The following CAST variants were observed in gnomAD, a reference collection of about 807,000 sequenced individuals.
CAST encodes the protein MIR583 host.
CAST carries 76 observed loss-of-function variants against 119.6 expected under a neutral mutation model. That is an observed-to-expected ratio of 0.64 (90% CI 0.53 to 0.77). The LOEUF is 0.77. Ranked by LOEUF, CAST falls within the 30% of genes least tolerant of loss-of-function variation. CAST has a pLI of 0.00. For synonymous variants in CAST, 319 were observed against 331.6 expected (o/e 0.96, Z 0.41); for missense variants, 953 against 946.5 (o/e 1.01, Z -0.09).
At chr5:96,128,995 A>G in the CAST span, among the ~76,000 whole-genome samples, 1 of 152,106 alleles carries the variant, frequency 6.6e-6, no homozygotes, top group Non-Finnish European at 1.5e-5. Context: ...AAAGGCTTAC[A>G]GGAGACCCAG....
At chr5:96,094,424 C>T in the CAST span, among the ~76,000 whole-genome samples, 2 of 144,296 alleles carry the variant, frequency 1.4e-5, no homozygotes, top group African/African-American at 2.5e-5. Flanking sequence ...GTAGGGTGAC[C>T]TTTTTTTTTT....
At chr5:96,725,458 G>A (rs1228449725) in intron 4 of CAST, among the ~76,000 whole-genome samples, 2 of 152,174 alleles carry the variant, frequency 1.3e-5, no homozygotes, top group African/African-American at 2.4e-5. Context: ...GATGTCTTTA[G>A]GGAGTTATTT....
chr5:96,419,291 GTA>G, the CAST span, among the ~76,000 whole-genome samples: 4 of 144,512 alleles, frequency 2.8e-5, no homozygotes, highest in Non-Finnish European at 6.0e-5. Flanking sequence ...GAGTTTATAT[GTA>G]TATATATATT....
the CAST span, among the ~76,000 whole-genome samples, chr5:96,353,658 C>G: frequency 1.3e-5 from 2 of 152,208 alleles, no homozygotes; most frequent in Non-Finnish European, 2.9e-5. Flanking sequence ...ATTTTCATCT[C>G]CTTCTGCCCT....
At chr5:96,297,048 T>TGGGGA in the CAST span, among the ~76,000 whole-genome samples, 85,150 of 151,402 alleles carry the variant, frequency 0.56, 24,454 homozygotes, top group South Asian at 0.62. Flanking sequence ...CTGGAGTATA[T>TGGGGA]TTTCAGTGTG....
the CAST span, among the ~76,000 whole-genome samples, chr5:96,126,521 CT>C: frequency 7.3e-5 from 11 of 151,722 alleles, no homozygotes; most frequent in South Asian, 2.1e-4. Context: ...AAAACCTCAT[CT>C]TTTTTTTCCC....
At chr5:96,274,634 T>C in the CAST span, among the ~76,000 whole-genome samples, 40 of 152,206 alleles carry the variant, frequency 2.6e-4, no homozygotes, top group Non-Finnish European at 5.9e-5. Context: ...TTTTCACCCA[T>C]TACATCCCAG....
chr5:96,304,763 C>T, the CAST span, among the ~76,000 whole-genome samples: 10 of 152,140 alleles, frequency 6.6e-5, no homozygotes, highest in South Asian at 2.1e-4. Flanking sequence ...TGGTTGTAGA[C>T]GTGTGGTGTT....
chr5:96,116,360 A>C, the CAST span, among the ~76,000 whole-genome samples: 1 of 152,208 alleles, frequency 6.6e-6, no homozygotes. Flanking sequence ...GTTGATGGAC[A>C]TCTGGGTTAT....
the CAST span, among the ~76,000 whole-genome samples, chr5:96,015,733 T>A: frequency 0.57 from 86,650 of 151,950 alleles, 25,255 homozygotes; most frequent in Non-Finnish European, 0.64. Flanking sequence ...TTTTATTTAA[T>A]CTTCACAATA....
At chr5:96,404,453 G>A in the CAST span, among the ~76,000 whole-genome samples, 1 of 152,174 alleles carries the variant, frequency 6.6e-6, no homozygotes, top group Non-Finnish European at 1.5e-5. Context: ...GGGAAGGAAA[G>A]TATTTCTTTG....
intron 1 of CAST, among the ~76,000 whole-genome samples, chr5:96,605,134 G>T: frequency 6.6e-6 from 1 of 152,170 alleles, no homozygotes; most frequent in East Asian, 1.9e-4. Context: ...ATACAAAACT[G>T]AGGAGAAGGA....
chr5:95,961,840 C>A, the CAST span: 1 of 1,278,776 alleles, frequency 7.8e-7, no homozygotes, highest in Non-Finnish European at 1.0e-6. Flanking sequence ...TGCTGACGTA[C>A]TGTCATATAC....
chr5:96,339,462 C>T, the CAST span, among the ~76,000 whole-genome samples: 10 of 152,122 alleles, frequency 6.6e-5, no homozygotes, highest in Non-Finnish European at 8.8e-5. Context: ...CATAACATTG[C>T]ACATGATAGA....
At chr5:96,352,158 A>G in the CAST span, among the ~76,000 whole-genome samples, 1 of 152,142 alleles carries the variant, frequency 6.6e-6, no homozygotes, top group Admixed American at 6.6e-5. Flanking sequence ...GGTGCTTAAG[A>G]CTTTATCATG....
chr5:96,403,814 C>G, the CAST span, among the ~76,000 whole-genome samples: 6 of 152,190 alleles, frequency 3.9e-5, no homozygotes, highest in South Asian at 6.2e-4. Context: ...ATTTCACAAC[C>G]CACTAAGTCA....
chr5:96,757,545 G>C lies in CAST; in HGVS notation c.1762-38G>C. ...ATATCTTTTCCTTTTGGCCCTGATT[G>C]CAATGGTGTTTGTTGATACATTTCC... On this transcript the variant is annotated intron_variant, in intron 23 of 31. Coordinates refer to ENST00000675179, the MANE Select transcript of CAST (RefSeq NM_001750.7). 5 of 1,611,204 alleles carry C rather than the reference G, an allele frequency of 3.1e-6. No individual in the cohort carries two copies. The South Asian group carries it at 5.5e-5, about 18-fold the overall frequency.
At chr5:96,568,703 A>AT (rs35158800) in intron 1 of CAST, among the ~76,000 whole-genome samples, 42,008 of 151,034 alleles carry the variant, frequency 0.28, 7,055 homozygotes, top group Middle Eastern at 0.42. Flanking sequence ...TTGTGTGCAT[A>AT]TTTTTTTGTT....
At chr5:96,603,400 T>C (rs962216221) in intron 1 of CAST, among the ~76,000 whole-genome samples, 37 of 152,124 alleles carry the variant, frequency 2.4e-4, no homozygotes, top group African/African-American at 7.5e-4. Flanking sequence ...AATTTTTAAT[T>C]TTTTTAACCT....
Sources: gnomAD v4.1 joint callset for allele counts (sites outside exome capture counted in the v4.1 genomes callset) on GRCh38, gnomAD v4.1.1 for gene constraint, MANE v1.5 for transcripts, NCBI Gene and HGNC (gene_info 2026-07-23, HGNC 2026-07-21) for gene names.